INSYN2B: variants seen among roughly 807,000 people sequenced by gnomAD.
The protein encoded by INSYN2B is inhibitory synaptic factor family member 2B.
INSYN2B carries 16 observed loss-of-function variants against 41.2 expected under a neutral mutation model. That is an observed-to-expected ratio of 0.39 (90% CI 0.26 to 0.59). INSYN2B has a LOEUF of 0.59. Ranked by LOEUF, INSYN2B falls within the 20% of genes least tolerant of loss-of-function variation. INSYN2B has a pLI of 0.57. For missense variants in INSYN2B, 608 were observed against 646.4 expected, an observed-to-expected ratio of 0.94 and a Z score of 0.64; for synonymous variants, 245 against 244.4, an observed-to-expected ratio of 1.00 and a Z score of -0.02.
At chr5:169,875,453 AC>A (rs1329956233) in intron 3 of INSYN2B, 3 of 367,504 alleles carry the variant, frequency 8.2e-6, no homozygotes, top group African/African-American at 6.3e-5. Context: ...TTCCACTGAG[AC>A]CTAATATCCT....
At chr5:169,975,682 A>G (rs998778651) in intron 1 of INSYN2B, among the ~76,000 whole-genome samples, 1 of 152,190 alleles carries the variant, frequency 6.6e-6, no homozygotes, top group African/African-American at 2.4e-5. Flanking sequence ...TAGGGCAGAT[A>G]CTCCATCTCC....
chr5:169,970,012 G>A (rs749446024), intron 1 of INSYN2B, among the ~76,000 whole-genome samples: 1 of 152,216 alleles, frequency 6.6e-6, no homozygotes, highest in Non-Finnish European at 1.5e-5. Flanking sequence ...GCTATGTGAG[G>A]CCTACAGGCT....
chr5:169,897,973 C>T (rs1036139596), intron 1 of INSYN2B, among the ~76,000 whole-genome samples: 1 of 152,206 alleles, frequency 6.6e-6, no homozygotes, highest in South Asian at 2.1e-4. Context: ...CTAGCTAGAG[C>T]AATCAAATCA....
chr5:169,919,984 G>A (rs1367575230), intron 1 of INSYN2B, among the ~76,000 whole-genome samples: 1 of 152,218 alleles, frequency 6.6e-6, no homozygotes, highest in East Asian at 1.9e-4. Flanking sequence ...ATACTTTAGT[G>A]ATACATGTTG....
At chr5:169,928,139 TC>T (rs1561830989) in intron 1 of INSYN2B, among the ~76,000 whole-genome samples, 1 of 152,082 alleles carries the variant, frequency 6.6e-6, no homozygotes, top group Non-Finnish European at 1.5e-5. Flanking sequence ...GCCAAACCCT[TC>T]CCCCTGCAAC....
intron 1 of INSYN2B, among the ~76,000 whole-genome samples, chr5:169,936,345 G>A (rs1322970190): frequency 6.6e-6 from 1 of 152,056 alleles, no homozygotes; most frequent in Non-Finnish European, 1.5e-5. Flanking sequence ...ATTTTAGGAC[G>A]GTTATTCCTC....
intron 1 of INSYN2B, among the ~76,000 whole-genome samples, chr5:169,974,841 C>A (rs1027075226): frequency 8.6e-5 from 13 of 150,600 alleles, no homozygotes; most frequent in South Asian, 6.3e-4. Flanking sequence ...CCCCCCTCCC[C>A]CCGACACACA....
At chr5:169,918,894 A>G (rs2113644449) in intron 1 of INSYN2B, among the ~76,000 whole-genome samples, 1 of 152,326 alleles carries the variant, frequency 6.6e-6, no homozygotes, top group East Asian at 1.9e-4. Flanking sequence ...CGGACGACAG[A>G]GCAAGACTTT....
chr5:169,944,826 A>G (rs1776381486), intron 1 of INSYN2B, among the ~76,000 whole-genome samples: 1 of 152,194 alleles, frequency 6.6e-6, no homozygotes, highest in African/African-American at 2.4e-5. Flanking sequence ...TGACCATGGG[A>G]ACAGCCTTCC....
intron 3 of INSYN2B, among the ~76,000 whole-genome samples, chr5:169,880,989 G>A (rs1270452143): frequency 1.3e-5 from 2 of 152,206 alleles, no homozygotes; most frequent in Non-Finnish European, 1.5e-5. Flanking sequence ...TAAGATCACA[G>A]GTTTGGGATT....
At chr5:169,918,354 T>A (rs1774986924) in intron 1 of INSYN2B, among the ~76,000 whole-genome samples, 1 of 152,170 alleles carries the variant, frequency 6.6e-6, no homozygotes, top group South Asian at 2.1e-4. Flanking sequence ...GCTCAGTATC[T>A]AACCTAGAAA....
intron 1 of INSYN2B, chr5:169,934,691 G>A (rs1297546640): frequency 2.6e-5 from 12 of 456,112 alleles, no homozygotes; most frequent in Admixed American, 7.0e-5. Flanking sequence ...TGGGTGCTAC[G>A]GAGTATTAAA....
In INSYN2B at chr5:169,929,761, A is replaced by G. The variant is rs1055354075; in HGVS notation, c.-918-44945T>C. Reference sequence around the variant, plus strand: ...TGTCTCAAAAAAAAAAAAAAAAAAAAAGAGAGAGAGAGAAAGAAGCTATCC... The same window carrying G: ...TGTCTCAAAAAAAAAAAAAAAAAAAGAGAGAGAGAGAGAAAGAAGCTATCC... On this transcript the variant is annotated intron_variant, in intron 1 of 3. Transcript: ENST00000377365. Among the ~76,000 whole-genome samples the G allele has an allele frequency of 5.2e-4, 78 of 149,602 alleles. No individual in the cohort carries two copies. The East Asian group carries it at 0.011, about 21-fold the overall frequency.
chr5:169,917,573 A>T (rs555665304), intron 1 of INSYN2B, among the ~76,000 whole-genome samples: 2 of 152,174 alleles, frequency 1.3e-5, no homozygotes. Flanking sequence ...ATGAAAATTG[A>T]ATGTTGTTTG....
rs920728151 is a variant in INSYN2B at position 169,862,342 on chromosome 5, T to G, written c.*1931A>C. Among the ~76,000 whole-genome samples, 5 of 152,228 alleles carry G rather than the reference T, an allele frequency of 3.3e-5. No individual in the cohort carries two copies. The highest frequency in any genetic ancestry group is 9.6e-5 in the African/African-American group (4 of 41,454). ...CATTCTAGCATGATGCCCGAGAATA[T>G]AAATTCACATGAAATTAGCGTAAGC... is the stretch of plus-strand genomic sequence containing the variant. On this transcript the variant is annotated 3_prime_UTR_variant, in exon 4 of 4. Transcript: ENST00000377365.
chr5:169,940,821 C>T (rs981140579), intron 1 of INSYN2B, among the ~76,000 whole-genome samples: 2 of 152,192 alleles, frequency 1.3e-5, no homozygotes, highest in Non-Finnish European at 2.9e-5. Flanking sequence ...CTGTGCAGCT[C>T]GGTTCCTACC....
At chr5:169,906,155 T>C (rs1422656583) in intron 1 of INSYN2B, among the ~76,000 whole-genome samples, 1 of 152,206 alleles carries the variant, frequency 6.6e-6, no homozygotes, top group Non-Finnish European at 1.5e-5. Flanking sequence ...AAATCCTCAA[T>C]GAGCGATTAC....
At chr5:169,969,664 C>G (rs1777429579) in intron 1 of INSYN2B, among the ~76,000 whole-genome samples, 1 of 152,190 alleles carries the variant, frequency 6.6e-6, no homozygotes, top group African/African-American at 2.4e-5. Flanking sequence ...CGTGCAGTGC[C>G]TACAGGGTCC....
At chr5:169,972,267 C>T (rs987986720) in intron 1 of INSYN2B, among the ~76,000 whole-genome samples, 1 of 152,138 alleles carries the variant, frequency 6.6e-6, no homozygotes, top group Non-Finnish European at 1.5e-5. Context: ...GCAAACCTTA[C>T]CTATAGCATG....
Sources: allele counts gnomAD v4.1 joint callset (sites outside exome capture counted in the v4.1 genomes callset), GRCh38; gene constraint gnomAD v4.1.1; transcripts MANE v1.5; gene names NCBI Gene and HGNC (gene_info 2026-07-23, HGNC 2026-07-21).